PTS: variants seen among roughly 807,000 people sequenced by gnomAD.
The protein encoded by PTS is 6-pyruvoyltetrahydropterin synthase.
Under a neutral mutation model 20.6 loss-of-function variants are expected in PTS, and 23 were observed. The ratio of observed to expected loss-of-function variants is 1.12; its 90% CI spans 0.80 to 1.58. The LOEUF (loss-of-function observed/expected upper bound fraction) is 1.58. Ranked by LOEUF, PTS falls within the 40% of genes most tolerant of loss-of-function variation. The pLI is 0.00. For synonymous variants in PTS, 65 were observed against 62.5 expected (o/e 1.04, Z -0.19); for missense variants, 186 against 182.4 (o/e 1.02, Z -0.11).
Position 112,233,696 on chromosome 11 carries a change from T to G in PTS, c.*141T>G. 1 of 1,228,762 alleles carries G rather than the reference T, an allele frequency of 8.1e-7. No homozygotes were observed. Among genetic ancestry groups the G allele is most frequent in the South Asian group, 1.8e-5 (1 of 56,222 alleles). The allele number at this position is 1,228,762 out of a possible 1,614,324, so 76.1% of individuals were successfully genotyped here. On this transcript the variant is annotated 3_prime_UTR_variant, in exon 6 of 6. Transcript: ENST00000280362. The stretch of plus-strand genomic sequence containing the variant: ...TGGAGTGCCTATTTATTGAAATCAT[T>G]GTAAGACCTGTTATAAATTTAAGTC...
In PTS at chr11:112,226,521, G is replaced by T. The variant is rs1317230624; in HGVS notation, c.78G>T (p.Leu26Phe). The T allele has an allele frequency of 1.9e-6, 3 of 1,582,438 alleles. No homozygotes were observed. Among genetic ancestry groups the T allele is most frequent in the Non-Finnish European group, 2.6e-6 (3 of 1,166,508 alleles). ...TCTCCTTCAGCGCGAGCCACCGATTGTACAGGTAGGGTGTGCACACAGGTA... is the reference window on the plus strand; with the variant it reads ...TCTCCTTCAGCGCGAGCCACCGATTTTACAGGTAGGGTGTGCACACAGGTA... ...RRISFSASHR[L>F]YSKFLSDEEN... The change falls in exon 1 of 6, where the codon TTG (leucine) becomes TTT (phenylalanine). Residue 26 changes from leucine to phenylalanine, a missense_variant. Coordinates refer to ENST00000280362, the MANE Select transcript of PTS (RefSeq NM_000317.3).
At chr11:112,227,020 G>T (rs1447580814) in intron 1 of PTS, among the ~76,000 whole-genome samples, 1 of 147,554 alleles carries the variant, frequency 6.8e-6, no homozygotes, top group African/African-American at 2.5e-5. Context: ...TTTTACCAAA[G>T]ACTGGATGAA....
chr11:112,226,992 G>A (rs1859873738), intron 1 of PTS, among the ~76,000 whole-genome samples: 1 of 150,124 alleles, frequency 6.7e-6, no homozygotes, highest in South Asian at 2.1e-4. Flanking sequence ...GTAATTACAA[G>A]GCAAATTTTA....
Position 112,233,710 on chromosome 11 carries a change from T to C in PTS, c.*155T>C. The C allele has an allele frequency of 1.8e-6, 2 of 1,085,534 alleles. No homozygotes were observed. The highest frequency in any genetic ancestry group is 2.5e-6 in the Non-Finnish European group (2 of 806,174). The allele number at this position is 1,085,534 out of a possible 1,614,324, so 67.2% of individuals were successfully genotyped here. Reference sequence around the variant, plus strand: ...ATTGAAATCATTGTAAGACCTGTTATAAATTTAAGTCTATTTAAAACTAAA... The same window carrying C: ...ATTGAAATCATTGTAAGACCTGTTACAAATTTAAGTCTATTTAAAACTAAA... On this transcript the variant is annotated 3_prime_UTR_variant, in exon 6 of 6. Coordinates refer to ENST00000280362, the MANE Select transcript of PTS (RefSeq NM_000317.3).
chr11:112,232,301 G>A (rs1859949282), intron 4 of PTS, among the ~76,000 whole-genome samples: 1 of 152,158 alleles, frequency 6.6e-6, no homozygotes, highest in African/African-American at 2.4e-5. Flanking sequence ...GAGAAATTGG[G>A]ACTGGAACTG....
chr11:112,227,083 A>G (rs1351871377), intron 1 of PTS, among the ~76,000 whole-genome samples: 1 of 150,836 alleles, frequency 6.6e-6, no homozygotes, highest in Admixed American at 6.6e-5. Context: ...AAATGAGCCC[A>G]GACGTTCAGT....
rs1275795738 is a variant in PTS at position 112,226,467 on chromosome 11, T to C, written c.24T>C (p.Arg8=). Residue 8 remains arginine, a synonymous_variant, in exon 1 of 6, where the codon CGT becomes CGC. Transcript: ENST00000280362. The part of the protein sequence containing the change: MSTEGGG[R]RCQAQVSRRI... The stretch of plus-strand genomic sequence containing the variant: ...AGATGAGCACGGAAGGTGGTGGCCG[T>C]CGCTGCCAGGCACAAGTGTCCCGCC... The C allele has an allele frequency of 1.9e-6, 3 of 1,580,588 alleles. No individual in the cohort carries two copies. Among genetic ancestry groups the C allele is most frequent in the East Asian group, 2.3e-5 (1 of 43,770 alleles).
intron 2 of PTS, chr11:112,229,948 T>C: frequency 1.8e-6 from 1 of 548,124 alleles, no homozygotes; most frequent in Non-Finnish European, 3.3e-6. Flanking sequence ...TTACACCCTT[T>C]TCAGCCTTGG....
rs191924435 is a variant in PTS at position 112,232,633 on chromosome 11, A to G, written c.244-530A>G. On this transcript the variant is annotated intron_variant, in intron 4 of 5. Transcript: ENST00000280362. ...ATATACACGAGCATTAGGGAGTAAT[A>G]GTCTTTACATATATATATTTTTCCT... 1.6e-4 allele frequency among the ~76,000 whole-genome samples: 24 copies of G among 152,332 alleles called. No individual in the cohort carries two copies. The East Asian group carries it at 2.3e-3, about 15-fold the overall frequency.
At position 112,233,227 on chromosome 11, in the gene PTS, T is replaced by C. The variant is rs1555198459; in HGVS notation, c.308T>C (p.Val103Ala). ...LDMDVPYFAD[V>A]VSTTENVAVY... ...ATGGATGTGCCATACTTTGCAGATG[T>C]GGTGAGGTGGGTGGCACTGTATCTT... The change falls in exon 5 of 6, where the codon GTG (valine) becomes GCG (alanine). Residue 103 changes from valine to alanine, a missense_variant. Coordinates refer to ENST00000280362, the MANE Select transcript of PTS (RefSeq NM_000317.3). The C allele has an allele frequency of 1.2e-6, 2 of 1,613,750 alleles. No homozygotes were observed. The highest frequency in any genetic ancestry group is 1.7e-6 in the Non-Finnish European group (2 of 1,179,658).
At position 112,233,745 on chromosome 11, in the gene PTS, T is replaced by A. The variant is rs1859976788; in HGVS notation, c.*190T>A. The A allele has an allele frequency of 1.6e-6, 1 of 625,360 alleles. No individual in the cohort carries two copies. The highest frequency in any genetic ancestry group is 1.9e-5 in the African/African-American group (1 of 53,016). The allele number at this position is 625,360 out of a possible 1,614,324, so 38.7% of individuals were successfully genotyped here. A position where few individuals can be genotyped will look rare whatever the true frequency, so the allele number is the denominator to read the frequency against. ...TCTATTTAAAACTAAACTTGTAATA[T>A]ACATCCTGAAAATCATTTAGAGAGT... On this transcript the variant is annotated 3_prime_UTR_variant, in exon 6 of 6. Transcript: ENST00000280362.
At chr11:112,230,267 T>G in intron 3 of PTS, 37 bp downstream of exon 3, 1 of 1,601,654 alleles carries the variant, frequency 6.2e-7, no homozygotes, top group Non-Finnish European at 8.6e-7. Flanking sequence ...TTTTGCAGAT[T>G]GCTGGGCTCT....
chr11:112,226,773 G>T (rs1859871525), intron 1 of PTS, among the ~76,000 whole-genome samples: 1 of 151,956 alleles, frequency 6.6e-6, no homozygotes, highest in South Asian at 2.1e-4. Context: ...GGAGGGCGAT[G>T]GCCCACGTCT....
intron 4 of PTS, among the ~76,000 whole-genome samples, chr11:112,231,865 C>T (rs866159732): frequency 9.1e-4 from 59 of 65,164 alleles, no homozygotes; most frequent in Admixed American, 2.3e-3. Flanking sequence ...GGGGGGCAGG[C>T]GGAGAGAGAG....
At chr11:112,229,975 A>G in intron 2 of PTS, 1 of 582,124 alleles carries the variant, frequency 1.7e-6, no homozygotes. Context: ...GCCTCTGCTT[A>G]GCCAACATTC....
intron 1 of PTS, 100 bp downstream of exon 1, chr11:112,226,626 G>A: frequency 9.9e-7 from 1 of 1,006,564 alleles, no homozygotes; most frequent in Non-Finnish European, 1.3e-6. Flanking sequence ...GGCCCGGGAG[G>A]GGCGCGGGGG....
chr11:112,230,115 G>A (rs1406019367), intron 2 of PTS, 93 bp from the exon 3 acceptor site: 2 of 1,197,686 alleles, frequency 1.7e-6, no homozygotes, highest in Non-Finnish European at 2.5e-6. Context: ...AATTTATGTT[G>A]CCAACTTGTG....
At chr11:112,231,228 A>C (rs1009819410) in intron 4 of PTS, among the ~76,000 whole-genome samples, 4 of 152,060 alleles carry the variant, frequency 2.6e-5, no homozygotes, top group African/African-American at 9.7e-5. Flanking sequence ...ACCTTTGATC[A>C]TAGATTTAGA....
chr11:112,228,707 A>C (rs774752201), intron 2 of PTS, 34 bp downstream of exon 2: 6 of 1,551,314 alleles, frequency 3.9e-6, no homozygotes, highest in African/African-American at 1.4e-5. Flanking sequence ...TCAGCCCTTC[A>C]ATAAGGATGA....
Sources: allele counts gnomAD v4.1 joint callset (sites outside exome capture counted in the v4.1 genomes callset), GRCh38; gene constraint gnomAD v4.1.1; transcripts MANE v1.5; gene names NCBI Gene and HGNC (gene_info 2026-07-23, HGNC 2026-07-21).